Variants in MAST4 observed in about 807,000 individuals in gnomAD.
The protein encoded by MAST4 is microtubule-associated serine/threonine-protein kinase 4.
A neutral mutation model predicts 162.7 loss-of-function variants in MAST4; 89 were observed. The observed-to-expected ratio is 0.55, with a 90% CI of 0.46 to 0.65. The LOEUF (loss-of-function observed/expected upper bound fraction) is 0.65. MAST4 is among the 30% of genes least tolerant of loss of function. The pLI is 0.00. For synonymous variants in MAST4, 1,479 were observed against 1,361.1 expected (o/e 1.09, Z -1.91); for missense variants, 3,153 against 3,374.0 (o/e 0.93, Z 1.62).
chr5:67,004,205 C>T (rs113882025), intron 4 of MAST4, among the ~76,000 whole-genome samples: 5,135 of 149,528 alleles, frequency 0.034, 267 homozygotes, highest in African/African-American at 0.12. Flanking sequence ...GGGGTCGCGC[C>T]GCGGCCGCCT....
At chr5:67,096,033 C>T (rs115147551) in intron 7 of MAST4, among the ~76,000 whole-genome samples, 194 of 151,890 alleles carry the variant, frequency 1.3e-3, no homozygotes, top group African/African-American at 4.4e-3. Flanking sequence ...CATTGAACTT[C>T]GATAGACTGG....
At chr5:66,980,212 G>A (rs1220125733) in intron 4 of MAST4, among the ~76,000 whole-genome samples, 2 of 152,172 alleles carry the variant, frequency 1.3e-5, no homozygotes, top group African/African-American at 4.8e-5. Context: ...AGGGGTCAAG[G>A]ATGGCCTGGT....
chr5:67,095,130 T>A (rs1410721668), intron 6 of MAST4, among the ~76,000 whole-genome samples: 3 of 152,188 alleles, frequency 2.0e-5, no homozygotes, highest in African/African-American at 4.8e-5. Flanking sequence ...ATGATGAGTA[T>A]AACTGTTCCT....
At chr5:66,838,495 G>T (rs1430638500) in intron 3 of MAST4, among the ~76,000 whole-genome samples, 1 of 152,166 alleles carries the variant, frequency 6.6e-6, no homozygotes, top group African/African-American at 2.4e-5. Context: ...GACTCTAGCA[G>T]TACAAAAATG....
At chr5:67,004,266 G>C (rs1751677205) in intron 4 of MAST4, among the ~76,000 whole-genome samples, 1 of 152,118 alleles carries the variant, frequency 6.6e-6, no homozygotes, top group Non-Finnish European at 1.5e-5. Context: ...GGGCTGGTGG[G>C]GGGTGGGGGA....
intron 5 of MAST4, among the ~76,000 whole-genome samples, chr5:67,060,585 C>G (rs1759446656): frequency 6.7e-6 from 1 of 149,578 alleles, no homozygotes; most frequent in Non-Finnish European, 1.5e-5. Context: ...TCACACCATT[C>G]TCCTGCCTCA....
At chr5:66,677,933 C>A (rs1378690162) in intron 1 of MAST4, among the ~76,000 whole-genome samples, 1 of 152,092 alleles carries the variant, frequency 6.6e-6, no homozygotes, top group Non-Finnish European at 1.5e-5. Context: ...CAATCCCTCC[C>A]CCTCCCCTTA....
In MAST4 at chr5:67,095,687, A is replaced by ACT; in HGVS notation, c.912+13_912+14dup. ...GCTCTACGGTCTCTGTAAGTGCCTG[A>ACT]CTTTTTTTTTTTTTTTCTCTTCCTC... On this transcript the variant is annotated intron_variant, in intron 7 of 28. Coordinates refer to ENST00000403625, the MANE Select transcript of MAST4 (RefSeq NM_001164664.2). 1 of 1,514,648 alleles carries ACT rather than the reference A, an allele frequency of 6.6e-7. No individual in the cohort carries two copies. Among genetic ancestry groups the ACT allele is most frequent in the South Asian group, 1.3e-5 (1 of 75,646 alleles). 93.8% of individuals were successfully genotyped at this position (1,514,648 alleles called of 1,614,324 possible). A position where few individuals can be genotyped will look rare whatever the true frequency, so the allele number is the denominator to read the frequency against.
At chr5:67,051,278 A>G (rs1013085451) in intron 4 of MAST4, among the ~76,000 whole-genome samples, 3 of 151,682 alleles carry the variant, frequency 2.0e-5, no homozygotes, top group Non-Finnish European at 4.4e-5. Flanking sequence ...CCACTGTTTT[A>G]TCATTTAATG....
At chr5:66,706,362 C>T (rs1172414256) in intron 1 of MAST4, among the ~76,000 whole-genome samples, 1 of 152,088 alleles carries the variant, frequency 6.6e-6, no homozygotes, top group East Asian at 1.9e-4. Context: ...AGCCAAGCCC[C>T]AAACCCACCA....
intron 4 of MAST4, among the ~76,000 whole-genome samples, chr5:66,945,328 CTT>C (rs1345235616): frequency 6.6e-6 from 1 of 152,088 alleles, no homozygotes; most frequent in Non-Finnish European, 1.5e-5. Context: ...CAAATGAACT[CTT>C]TTTAAACAGT....
At chr5:66,830,858 A>G (rs1461720041) in intron 3 of MAST4, among the ~76,000 whole-genome samples, 1 of 152,346 alleles carries the variant, frequency 6.6e-6, no homozygotes, top group Admixed American at 6.5e-5. Context: ...ATTTACAAAT[A>G]TAGATAGCTA....
chr5:67,131,792 A>C (rs759346027), intron 15 of MAST4, 21 bp from the exon 16 acceptor site: 3 of 1,609,724 alleles, frequency 1.9e-6, no homozygotes, highest in Non-Finnish European at 2.5e-6. Context: ...ATAGCTACTA[A>C]CTCTTTTTCC....
In MAST4 at chr5:66,638,011, T is replaced by C. The variant is rs550334483; in HGVS notation, c.363+40993T>C. 2.0e-5 allele frequency among the ~76,000 whole-genome samples: 3 copies of C among 152,328 alleles called. No individual in the cohort carries two copies. The South Asian group carries it at 6.2e-4, about 32-fold the overall frequency. ...AGCCACCATGCCGAGCCTTTTGATA[T>C]ATCTTCTTTAGTTGTAATTTATTCC... On this transcript the variant is annotated intron_variant, in intron 1 of 28. Transcript: ENST00000403625.
intron 1 of MAST4, among the ~76,000 whole-genome samples, chr5:66,656,515 G>A (rs1450645822): frequency 6.6e-6 from 1 of 152,076 alleles, no homozygotes; most frequent in East Asian, 1.9e-4. Flanking sequence ...CAGTCACAGG[G>A]TTATCTGGTC....
chr5:66,991,252 G>A (rs1487339919), intron 4 of MAST4, among the ~76,000 whole-genome samples: 2 of 152,066 alleles, frequency 1.3e-5, no homozygotes, highest in African/African-American at 4.8e-5. Context: ...AGTAGTTTTG[G>A]TATGGCTCAT....
intron 2 of MAST4, among the ~76,000 whole-genome samples, chr5:66,771,238 G>A (rs1754344460): frequency 6.6e-6 from 1 of 151,562 alleles, no homozygotes; most frequent in Admixed American, 6.6e-5. Context: ...AGGCTGGAGT[G>A]CAGTGGTGCA....
intron 1 of MAST4, among the ~76,000 whole-genome samples, chr5:66,627,728 A>C (rs1744529853): frequency 6.6e-6 from 1 of 152,182 alleles, no homozygotes; most frequent in Non-Finnish European, 1.5e-5. Context: ...TCTGTTAAAA[A>C]AAAAAAGCTG....
In MAST4 at chr5:66,628,224, G is replaced by T. The variant is rs1365126609; in HGVS notation, c.363+31206G>T. 4.6e-5 allele frequency among the ~76,000 whole-genome samples: 7 copies of T among 151,996 alleles called. No homozygotes were observed. In the East Asian group the frequency reaches 1.2e-3, roughly 25 times the overall value. On this transcript the variant is annotated intron_variant, in intron 1 of 28. Coordinates refer to ENST00000403625, the MANE Select transcript of MAST4 (RefSeq NM_001164664.2). The stretch of plus-strand genomic sequence containing the variant: ...ATATTGTTTATTTTTTGTGGAGGTG[G>T]GATTTCCGTATGTTGCCTAGGCTGG...
Sources: gnomAD v4.1 joint callset for allele counts (sites outside exome capture counted in the v4.1 genomes callset) on GRCh38, gnomAD v4.1.1 for gene constraint, MANE v1.5 for transcripts, NCBI Gene and HGNC (gene_info 2026-07-23, HGNC 2026-07-21) for gene names.